The following XKR6 variants were observed in gnomAD, a reference collection of about 807,000 sequenced individuals.
The protein encoded by XKR6 is XK related 6.
XKR6 carries 22 observed loss-of-function variants against 56.7 expected under a neutral mutation model. The observed-to-expected ratio is 0.39, with a 90% confidence interval of 0.28 to 0.55. The LOEUF is 0.55. Among genes scored for constraint, XKR6 ranks in the 20% least tolerant of loss-of-function variants. The pLI is 0.66. For missense variants in XKR6, 852 were observed against 889.0 expected, an observed-to-expected ratio of 0.96 and a Z score of 0.53; for synonymous variants, 524 against 387.8, an observed-to-expected ratio of 1.35 and a Z score of -4.13.
At chr8:11,136,458 T>C (rs1274814832) in intron 1 of XKR6, among the ~76,000 whole-genome samples, 2 of 148,386 alleles carry the variant, frequency 1.3e-5, no homozygotes, top group African/African-American at 5.0e-5. Flanking sequence ...GAGCCAAGAT[T>C]GCGCCATTGC....
chr8:11,046,142 T>C (rs909566212), intron 1 of XKR6, among the ~76,000 whole-genome samples: 2 of 152,194 alleles, frequency 1.3e-5, no homozygotes, highest in Non-Finnish European at 2.9e-5. Context: ...CTCACACCTG[T>C]AATCCCAGCA....
chr8:11,028,841 A>G (rs1798927709), intron 1 of XKR6, among the ~76,000 whole-genome samples: 1 of 152,212 alleles, frequency 6.6e-6, no homozygotes. Context: ...ACACAGGACA[A>G]CGGGGTCTCA....
chr8:10,968,957 G>A (rs1802316020), intron 1 of XKR6, among the ~76,000 whole-genome samples: 1 of 152,182 alleles, frequency 6.6e-6, no homozygotes, highest in Non-Finnish European at 1.5e-5. Context: ...TATGTTCAAT[G>A]AAGGCCTATT....
At chr8:11,068,666 C>T (rs1800041765) in intron 1 of XKR6, among the ~76,000 whole-genome samples, 1 of 152,154 alleles carries the variant, frequency 6.6e-6, no homozygotes, top group African/African-American at 2.4e-5. Context: ...CCTCTGCACA[C>T]AGCCTGCCCA....
intron 2 of XKR6, among the ~76,000 whole-genome samples, chr8:10,917,766 G>A (rs1265980635): frequency 1.3e-5 from 2 of 152,194 alleles, no homozygotes; most frequent in Non-Finnish European, 1.5e-5. Flanking sequence ...GAAATGTAGG[G>A]CACTGAGTTT....
chr8:11,047,964 C>T (rs892126792), intron 1 of XKR6, among the ~76,000 whole-genome samples: 1 of 152,106 alleles, frequency 6.6e-6, no homozygotes, highest in African/African-American at 2.4e-5. Flanking sequence ...AGAGGAGTTA[C>T]CTGCTTTGCC....
At chr8:11,086,133 A>AATATATATATATATATATATATAT (rs138365092) in intron 1 of XKR6, among the ~76,000 whole-genome samples, 17 of 90,086 alleles carry the variant, frequency 1.9e-4, no homozygotes, top group African/African-American at 8.5e-4. Flanking sequence ...TTAAAAAGAA[A>AATATATATATATATATATATATAT]ATATATATAT....
chr8:11,076,081 A>G (rs1192906348), intron 1 of XKR6, among the ~76,000 whole-genome samples: 1 of 152,204 alleles, frequency 6.6e-6, no homozygotes, highest in Admixed American at 6.5e-5. Flanking sequence ...AACACGGGCG[A>G]ACCTCGATGA....
At chr8:10,970,373 G>C (rs533000544) in intron 1 of XKR6, among the ~76,000 whole-genome samples, 46 of 152,112 alleles carry the variant, frequency 3.0e-4, no homozygotes, top group Non-Finnish European at 3.8e-4. Context: ...GATCCTTTCT[G>C]ATCTTAATTC....
At chr8:11,020,139 C>T (rs4541861) in intron 1 of XKR6, among the ~76,000 whole-genome samples, 7,093 of 152,138 alleles carry the variant, frequency 0.047, 500 homozygotes, top group African/African-American at 0.15. Context: ...GCCCTGACTC[C>T]GTGGAGCATG....
At chr8:10,919,652 A>G (rs1800658011) in intron 2 of XKR6, among the ~76,000 whole-genome samples, 1 of 152,212 alleles carries the variant, frequency 6.6e-6, no homozygotes, top group African/African-American at 2.4e-5. Flanking sequence ...TAGGAAAGTA[A>G]CTTGCCTGGT....
At chr8:11,084,067 A>G (rs1797809206) in intron 1 of XKR6, among the ~76,000 whole-genome samples, 1 of 152,280 alleles carries the variant, frequency 6.6e-6, no homozygotes, top group Admixed American at 6.5e-5. Flanking sequence ...CCCCATCCAC[A>G]ACCGCATGGC....
intron 1 of XKR6, among the ~76,000 whole-genome samples, chr8:11,079,515 G>C (rs1797640172): frequency 1.3e-5 from 2 of 152,312 alleles, no homozygotes; most frequent in Admixed American, 1.3e-4. Context: ...TCATTTGGAA[G>C]TCTACACTGC....
intron 1 of XKR6, among the ~76,000 whole-genome samples, chr8:10,989,593 G>A (rs1216312106): frequency 7.0e-6 from 1 of 143,462 alleles, no homozygotes; most frequent in Non-Finnish European, 1.6e-5. Flanking sequence ...TGATGAACAG[G>A]TAACATTCTG....
intron 1 of XKR6, among the ~76,000 whole-genome samples, chr8:10,961,930 T>C (rs55647533): frequency 2.3e-3 from 356 of 152,314 alleles, no homozygotes; most frequent in Non-Finnish European, 4.3e-3. Flanking sequence ...GTGGGGCATT[T>C]AGTATTCATC....
chr8:10,951,926 G>A (rs1237463146), intron 1 of XKR6, among the ~76,000 whole-genome samples: 2 of 152,142 alleles, frequency 1.3e-5, no homozygotes, highest in African/African-American at 2.4e-5. Flanking sequence ...GAGTGGGGAC[G>A]ACAGGAGAAC....
At chr8:11,110,306 T>C (rs535268231) in intron 1 of XKR6, among the ~76,000 whole-genome samples, 44 of 152,274 alleles carry the variant, frequency 2.9e-4, no homozygotes, top group African/African-American at 9.4e-4. Context: ...CACTGTGCTT[T>C]ATATTAAATA....
intron 1 of XKR6, among the ~76,000 whole-genome samples, chr8:11,149,496 T>A (rs1801160524): frequency 6.6e-6 from 1 of 152,168 alleles, no homozygotes; most frequent in Admixed American, 6.5e-5. Context: ...GTTGTCTACA[T>A]CTCATGTTCA....
rs184425571 is a variant in XKR6, at chr8:10,990,661, C to T, written c.765-65831G>A. The stretch of plus-strand genomic sequence containing the variant: ...ACTGTGCAATCATGGCTTACTGTAA[C>T]CTCAACTTCTCAGCTTCAAGCGATC... On this transcript the variant is annotated intron_variant, in intron 1 of 2. Coordinates refer to ENST00000416569, the MANE Select transcript of XKR6 (RefSeq NM_173683.4). Among the ~76,000 whole-genome samples the T allele has an allele frequency of 5.3e-5, 8 of 152,166 alleles. 1 individual carries two copies. Among genetic ancestry groups the T allele is most frequent in the Admixed American group, 5.2e-4 (8 of 15,280 alleles).
Sources: gnomAD v4.1 joint callset for allele counts (sites outside exome capture counted in the v4.1 genomes callset) on GRCh38, gnomAD v4.1.1 for gene constraint, MANE v1.5 for transcripts, NCBI Gene and HGNC (gene_info 2026-07-23, HGNC 2026-07-21) for gene names.